The following NAV2 variants were observed in gnomAD, a reference collection of about 807,000 sequenced individuals.
The protein encoded by NAV2 is neuron navigator 2.
NAV2 carries 54 observed loss-of-function variants against 223.2 expected under a neutral mutation model. The ratio of observed to expected loss-of-function variants is 0.24; its 90% CI spans 0.19 to 0.30. NAV2 has a LOEUF of 0.30. NAV2 is among the 10% of genes least tolerant of loss of function. The pLI is 1.00. For synonymous variants in NAV2, 1,279 were observed against 1,239.3 expected (o/e 1.03, Z -0.67); for missense variants, 2,806 against 3,147.5 (o/e 0.89, Z 2.60).
intron 1 of NAV2, among the ~76,000 whole-genome samples, chr11:19,466,985 A>C (rs75968335): frequency 4.5e-4 from 21 of 47,060 alleles, no homozygotes; most frequent in South Asian, 1.7e-3. Flanking sequence ...CTCTCTCTCT[A>C]CACACACACA....
At chr11:20,073,852 A>T (rs1422618613) in intron 22 of NAV2, among the ~76,000 whole-genome samples, 1 of 151,610 alleles carries the variant, frequency 6.6e-6, no homozygotes, top group Non-Finnish European at 1.5e-5. Flanking sequence ...TCTGGCTAGC[A>T]GTCTATTTTG....
chr11:19,787,200 C>T (rs1453713408), intron 1 of NAV2, among the ~76,000 whole-genome samples: 2 of 151,010 alleles, frequency 1.3e-5, no homozygotes, highest in African/African-American at 4.9e-5. Flanking sequence ...AGGGGATCCT[C>T]ATGCCTCAGT....
At position 19,879,939 on chromosome 11, in the gene NAV2, G is replaced by C. The variant is rs376881740; in HGVS notation, c.582G>C (p.Gln194His). 2 of 1,613,556 alleles carry C rather than the reference G, an allele frequency of 1.2e-6. No homozygotes were observed. Among genetic ancestry groups the C allele is most frequent in the Non-Finnish European group, 1.7e-6 (2 of 1,180,014 alleles). Residue 194 changes from glutamine to histidine, a missense_variant, in exon 5 of 38, where the codon CAG becomes CAC. By Grantham distance (24) the Gln-to-His change is conservative. Around this residue, in one of 4 missense-constraint regions of NAV2, gnomAD observed 1,167 missense variants for 1,180.5 expected, o/e 0.99. Transcript: ENST00000349880. ...FFSLSRYKQQQQQPQKQHLSS... is the reference protein window; with the variant it reads ...FFSLSRYKQQHQQPQKQHLSS... ...GCCTCTCCCGATACAAGCAGCAGCA[G>C]CAGCAGCCCCAGAAGCAGCACCTCT...
At chr11:19,700,731 G>A (rs970012116) in intron 1 of NAV2, among the ~76,000 whole-genome samples, 1 of 152,088 alleles carries the variant, frequency 6.6e-6, no homozygotes, top group Non-Finnish European at 1.5e-5. Flanking sequence ...ACATCTAAAG[G>A]GGTCTAAGAT....
intron 1 of NAV2, among the ~76,000 whole-genome samples, chr11:19,419,011 G>A (rs1467476557): frequency 6.6e-6 from 1 of 152,102 alleles, no homozygotes; most frequent in Non-Finnish European, 1.5e-5. Flanking sequence ...AGTGAGTGCA[G>A]TAATAGGGAC....
rs114814974 is a variant in NAV2, at chr11:19,870,113, G to C, written c.511+1116G>C. On this transcript the variant is annotated intron_variant, in intron 4 of 37. Transcript: ENST00000349880. Reference sequence around the variant, plus strand: ...CTGGACCTGTTCCCAGTCAGGCACGGCCACACTGCTTCCAGAGTTCGCAGA... The same window carrying C: ...CTGGACCTGTTCCCAGTCAGGCACGCCCACACTGCTTCCAGAGTTCGCAGA... Among the ~76,000 whole-genome samples the C allele has an allele frequency of 2.4e-3, 361 of 152,256 alleles. 2 individuals are homozygous for C. Among genetic ancestry groups the C allele is most frequent in the African/African-American group, 8.3e-3 (345 of 41,530 alleles).
At chr11:19,930,029 G>A (rs1173223425) in intron 6 of NAV2, among the ~76,000 whole-genome samples, 2 of 152,020 alleles carry the variant, frequency 1.3e-5, no homozygotes, top group Non-Finnish European at 2.9e-5. Flanking sequence ...GGTTTGTTTT[G>A]AGGTCCATTG....
In NAV2 at chr11:19,892,414, C is replaced by G. The variant is rs2041577969; in HGVS notation, c.771-20C>G. 1.9e-6 allele frequency: 3 copies of G among 1,611,444 alleles called. No homozygotes were observed. The highest frequency in any genetic ancestry group is 2.5e-6 in the Non-Finnish European group (3 of 1,178,816). ...TTCTTCTGAGACTGAATGCATTATC[C>G]TGTTGCTTTTGCATTTTAGACTTCC... On this transcript the variant is annotated intron_variant, in intron 5 of 37. Coordinates refer to ENST00000349880, the MANE Select transcript of NAV2 (RefSeq NM_145117.5).
chr11:19,678,348 A>G (rs903644127), intron 1 of NAV2, among the ~76,000 whole-genome samples: 1 of 152,210 alleles, frequency 6.6e-6, no homozygotes, highest in African/African-American at 2.4e-5. Flanking sequence ...TGCCTAGCCT[A>G]GTCAGTGGTG....
intron 1 of NAV2, chr11:19,777,571 C>G: frequency 2.2e-6 from 1 of 454,670 alleles, no homozygotes; most frequent in Non-Finnish European, 4.4e-6. Context: ...TTTTTAACCC[C>G]CCACCCCGCC....
chr11:19,431,100 C>T (rs1181887776), intron 1 of NAV2, among the ~76,000 whole-genome samples: 1 of 152,236 alleles, frequency 6.6e-6, no homozygotes, highest in South Asian at 2.1e-4. Flanking sequence ...AGGGGCATCT[C>T]ATCCCTGCCT....
intron 1 of NAV2, among the ~76,000 whole-genome samples, chr11:19,538,095 C>T (rs938996574): frequency 6.6e-6 from 1 of 152,164 alleles, no homozygotes; most frequent in South Asian, 2.1e-4. Flanking sequence ...TAAGAAAATG[C>T]CAGACAGAAA....
At chr11:19,881,122 G>T (rs544204940) in intron 5 of NAV2, among the ~76,000 whole-genome samples, 10 of 152,226 alleles carry the variant, frequency 6.6e-5, no homozygotes, top group South Asian at 2.1e-4. Flanking sequence ...GCACAAAGCC[G>T]CTCAAACACA....
intron 7 of NAV2, 134 bp downstream of exon 7, chr11:19,934,411 A>G (rs2045660844): frequency 1.9e-6 from 2 of 1,056,186 alleles, no homozygotes; most frequent in Non-Finnish European, 2.6e-6. Context: ...AAACCACGTG[A>G]TGAACTCCTA....
At chr11:19,350,058 C>G (rs568506767), upstream of NAV2, among the ~76,000 whole-genome samples, 1 of 146,730 alleles carries the variant, frequency 6.8e-6, no homozygotes, top group Admixed American at 6.9e-5. Context: ...GCTTCCCTGT[C>G]TCTTCATACT....
chr11:20,044,378 T>C, intron 13 of NAV2, 106 bp downstream of exon 13: 3 of 1,062,660 alleles, frequency 2.8e-6, no homozygotes, highest in Non-Finnish European at 2.6e-6. Context: ...TCAGGATTTA[T>C]ACTCTGCTAA....
At chr11:19,392,379 G>C (rs1849283443) in intron 1 of NAV2, among the ~76,000 whole-genome samples, 1 of 39,446 alleles carries the variant, frequency 2.5e-5, no homozygotes, top group Admixed American at 5.0e-4. Flanking sequence ...GGCTCAGCAG[G>C]GTGATTTTTT....
At chr11:19,710,727 G>T (rs1013013217), upstream of NAV2, among the ~76,000 whole-genome samples, 1 of 152,188 alleles carries the variant, frequency 6.6e-6, no homozygotes, top group African/African-American at 2.4e-5. Flanking sequence ...TTGGTACACT[G>T]GTCAGAACTA....
chr11:19,848,563 G>T (rs1488261350), intron 3 of NAV2, among the ~76,000 whole-genome samples: 1 of 152,180 alleles, frequency 6.6e-6, no homozygotes, highest in Non-Finnish European at 1.5e-5. Flanking sequence ...TGTAACCCAG[G>T]TGTGTCCCTT....
Sources: allele counts gnomAD v4.1 joint callset (sites outside exome capture counted in the v4.1 genomes callset), GRCh38; gene constraint gnomAD v4.1.1; regional missense constraint gnomAD v4.1.1; transcripts MANE v1.5; gene names NCBI Gene and HGNC (gene_info 2026-07-23, HGNC 2026-07-21).